Variants in TIMP2 observed in about 807,000 individuals in gnomAD.
TIMP2 encodes metalloproteinase inhibitor 2.
TIMP2 carries 5 observed loss-of-function variants against 24.3 expected under a neutral mutation model. The ratio of observed to expected loss-of-function variants is 0.21; its 90% CI spans 0.11 to 0.43. TIMP2 has a LOEUF of 0.43. Ranked by LOEUF, TIMP2 falls within the 20% of genes least tolerant of loss-of-function variation. The pLI, the probability that TIMP2 is intolerant of heterozygous loss-of-function variation, is 1.00. For synonymous variants in TIMP2, 130 were observed against 123.2 expected (o/e 1.06, Z -0.37); for missense variants, 221 against 297.5 (o/e 0.74, Z 1.89).
intron 2 of TIMP2, among the ~76,000 whole-genome samples, chr17:78,873,555 A>C (rs1201821068): frequency 6.6e-6 from 1 of 152,220 alleles, no homozygotes; most frequent in African/African-American, 2.4e-5. Context: ...GGCCTCCCGA[A>C]GTGCTGGGAT....
intron 1 of TIMP2, among the ~76,000 whole-genome samples, chr17:78,921,695 C>T (rs1432835563): frequency 6.6e-6 from 1 of 152,182 alleles, no homozygotes; most frequent in Non-Finnish European, 1.5e-5. Flanking sequence ...AAATGCTTCC[C>T]GTTTGTGCTG....
intron 2 of TIMP2, among the ~76,000 whole-genome samples, chr17:78,871,367 G>A (rs916842721): frequency 4.0e-5 from 6 of 148,304 alleles, no homozygotes; most frequent in Non-Finnish European, 5.9e-5. Context: ...CAGGAGAATC[G>A]CTTGAACCTG....
intron 1 of TIMP2, among the ~76,000 whole-genome samples, chr17:78,909,674 G>A (rs1599174510): frequency 6.6e-6 from 1 of 152,112 alleles, no homozygotes; most frequent in Non-Finnish European, 1.5e-5. Flanking sequence ...TGTACCTAGG[G>A]TCACCGTAAG....
intron 1 of TIMP2, among the ~76,000 whole-genome samples, chr17:78,895,375 A>G (rs903404612): frequency 5.3e-5 from 8 of 152,220 alleles, no homozygotes; most frequent in Admixed American, 4.6e-4. Context: ...ACATAAAAAC[A>G]TGTTCAACGG....
At chr17:78,888,739 T>C (rs938025256) in intron 1 of TIMP2, among the ~76,000 whole-genome samples, 3 of 152,154 alleles carry the variant, frequency 2.0e-5, no homozygotes, top group African/African-American at 7.2e-5. Flanking sequence ...GTGTGAGCCA[T>C]CAGCAGGTAT....
intron 1 of TIMP2, among the ~76,000 whole-genome samples, chr17:78,881,147 C>T (rs753226015): frequency 6.6e-6 from 1 of 152,238 alleles, no homozygotes; most frequent in Non-Finnish European, 1.5e-5. Flanking sequence ...CACACTGACT[C>T]GGACTGGGAG....
At chr17:78,888,924 G>A (rs761985840) in intron 1 of TIMP2, among the ~76,000 whole-genome samples, 1 of 152,218 alleles carries the variant, frequency 6.6e-6, no homozygotes, top group Non-Finnish European at 1.5e-5. Flanking sequence ...ACAAAGATTG[G>A]TTGATCTAAG....
chr17:78,919,502 T>A (rs760918589), intron 1 of TIMP2, among the ~76,000 whole-genome samples: 55 of 152,062 alleles, frequency 3.6e-4, no homozygotes, highest in Non-Finnish European at 6.8e-4. Context: ...TTCTTCACCC[T>A]CCCTTACCTT....
chr17:78,896,942 A>G lies in TIMP2; in HGVS notation c.131-23023T>C, dbSNP rs58294747. 5,632 of 985,234 alleles carry G rather than the reference A, an allele frequency of 5.7e-3. 239 individuals carry two copies. In the African/African-American group the frequency reaches 0.091, roughly 16 times the overall value. 61.0% of individuals were successfully genotyped at this position (985,234 alleles called of 1,614,324 possible). ...ACCAGATTCCCAGCGATTCTCACCAAAGTCAGGCAACCTCTGGCCTACAGC... is the reference window on the plus strand; with the variant it reads ...ACCAGATTCCCAGCGATTCTCACCAGAGTCAGGCAACCTCTGGCCTACAGC... On this transcript the variant is annotated intron_variant, in intron 1 of 4. Transcript: ENST00000262768. The surrounding 1 kb of genome is among the most constrained non-coding windows in gnomAD (Gnocchi z 4.4).
At chr17:78,903,445 T>C (rs73395197) in intron 1 of TIMP2, 24,918 of 152,268 alleles carry the variant, frequency 0.16, 3,224 homozygotes, top group African/African-American at 0.36. Context: ...AGGACATCTT[T>C]TTGTCCCCAG....
chr17:78,915,221 T>C (rs1451985643), intron 1 of TIMP2, among the ~76,000 whole-genome samples: 1 of 152,108 alleles, frequency 6.6e-6, no homozygotes, highest in Non-Finnish European at 1.5e-5. Flanking sequence ...GAAAGTACTG[T>C]GCTCTGAACA....
chr17:78,905,258 G>C (rs1238477087), intron 1 of TIMP2, among the ~76,000 whole-genome samples: 1 of 152,148 alleles, frequency 6.6e-6, no homozygotes, highest in East Asian at 1.9e-4. Flanking sequence ...CGCTTCTCAG[G>C]CTTTGAGACT....
chr17:78,903,814 G>A (rs1255535756), intron 1 of TIMP2, among the ~76,000 whole-genome samples: 2 of 152,078 alleles, frequency 1.3e-5, no homozygotes, highest in African/African-American at 2.4e-5. Context: ...GCCGGTGCAG[G>A]GGGTTTCCAG....
At chr17:78,870,441 G>C (rs1443758045) in intron 3 of TIMP2, among the ~76,000 whole-genome samples, 12 of 107,384 alleles carry the variant, frequency 1.1e-4, no homozygotes, top group South Asian at 2.7e-4. Flanking sequence ...AAGAAAGAAA[G>C]AAAGAAAGAA....
chr17:78,862,080 T>C (rs997289574), intron 3 of TIMP2, among the ~76,000 whole-genome samples: 3 of 151,758 alleles, frequency 2.0e-5, no homozygotes, highest in Admixed American at 1.3e-4. Flanking sequence ...TAACGAAGGG[T>C]TGTATGTTTA....
intron 1 of TIMP2, among the ~76,000 whole-genome samples, chr17:78,883,936 G>A (rs73395153): frequency 0.055 from 8,362 of 152,198 alleles, 731 homozygotes; most frequent in African/African-American, 0.18. Flanking sequence ...CCTCCGGCTC[G>A]GCCCTTCCCA....
chr17:78,915,571 G>A (rs1752603962), intron 1 of TIMP2, among the ~76,000 whole-genome samples: 1 of 151,654 alleles, frequency 6.6e-6, no homozygotes, highest in Admixed American at 6.6e-5. Context: ...CCAGGCAGGA[G>A]TGCAGTGGTG....
rs1185819223 is a variant in TIMP2 at position 78,896,577 on chromosome 17, C to A, written c.131-22658G>T. The stretch of plus-strand genomic sequence containing the variant: ...CTCCACATCCTCTGAGTGTTCTGAG[C>A]ATCCTGGGCTGCTTTGGTGTTTTCT... On this transcript the variant is annotated intron_variant, in intron 1 of 4. Coordinates refer to ENST00000262768, the MANE Select transcript of TIMP2 (RefSeq NM_003255.5). The surrounding 1 kb of genome is among the most constrained non-coding windows in gnomAD (Gnocchi z 4.4). Among the ~76,000 whole-genome samples the A allele has an allele frequency of 6.6e-6, 1 of 152,164 alleles. No homozygotes were observed. The highest frequency in any genetic ancestry group is 1.5e-5 in the Non-Finnish European group (1 of 68,026).
At chr17:78,863,742 G>A (rs889405810) in intron 3 of TIMP2, among the ~76,000 whole-genome samples, 4 of 152,086 alleles carry the variant, frequency 2.6e-5, no homozygotes, top group Admixed American at 2.0e-4. Flanking sequence ...GCTGTGCTGC[G>A]TGTATGGGTC....
Sources: allele counts gnomAD v4.1 joint callset (sites outside exome capture counted in the v4.1 genomes callset), GRCh38; gene constraint gnomAD v4.1.1; non-coding constraint Gnocchi (gnomAD v3.1); transcripts MANE v1.5; gene names NCBI Gene and HGNC (gene_info 2026-07-23, HGNC 2026-07-21).